Variants in HIP1 observed in about 807,000 individuals in gnomAD.
HIP1 encodes huntingtin-interacting protein 1.
A neutral mutation model predicts 147.6 loss-of-function variants in HIP1; 65 were observed. That is an observed-to-expected ratio of 0.44 (90% CI 0.36 to 0.54). The LOEUF (loss-of-function observed/expected upper bound fraction) is 0.54. Ranked by LOEUF, HIP1 falls within the 20% of genes least tolerant of loss-of-function variation. The pLI is 0.00. For synonymous variants in HIP1, 479 were observed against 504.0 expected, an observed-to-expected ratio of 0.95 and a Z score of 0.67; for missense variants, 1,061 against 1,299.6, an observed-to-expected ratio of 0.82 and a Z score of 2.82.
At chr7:75,560,953 AT>A (rs11438714) in intron 13 of HIP1, among the ~76,000 whole-genome samples, 8,315 of 139,980 alleles carry the variant, frequency 0.059, 257 homozygotes, top group Middle Eastern at 0.087. Flanking sequence ...AGGTGATGCA[AT>A]TTTTTTTTTT....
In HIP1 at chr7:75,534,086, T is replaced by C. The variant is rs1277741946; in HGVS notation, c.*4086A>G. 2 of 231,322 alleles carry C rather than the reference T, an allele frequency of 8.6e-6. No homozygotes were observed. Among genetic ancestry groups the C allele is most frequent in the Non-Finnish European group, 1.7e-5 (2 of 116,994 alleles). 14.3% of individuals were successfully genotyped at this position (231,322 alleles called of 1,614,324 possible). A position where few individuals can be genotyped will look rare whatever the true frequency, so the allele number is the denominator to read the frequency against. ...AGGAGACCCCTCTAGACTAAGGAGC[T>C]AAGAGGGAACTTCCAGCTGCAAGCT... On this transcript the variant is annotated 3_prime_UTR_variant, in exon 31 of 31. Transcript: ENST00000336926.
intron 22 of HIP1, among the ~76,000 whole-genome samples, chr7:75,549,372 CTTTTTT>C (rs60654435): frequency 2.5e-5 from 3 of 121,200 alleles, no homozygotes; most frequent in Non-Finnish European, 3.5e-5. Flanking sequence ...CTTTTCTTTT[CTTTTTT>C]TTTTTTTTTT....
intron 1 of HIP1, among the ~76,000 whole-genome samples, chr7:75,708,351 T>C (rs1371817827): frequency 6.6e-6 from 1 of 152,210 alleles, no homozygotes; most frequent in Non-Finnish European, 1.5e-5. Context: ...GTGTTAATTT[T>C]CATGAAGTCC....
chr7:75,719,645 T>C (rs1488780942), intron 1 of HIP1, among the ~76,000 whole-genome samples: 1 of 152,132 alleles, frequency 6.6e-6, no homozygotes, highest in Non-Finnish European at 1.5e-5. Context: ...GGTGTCGAAC[T>C]CCTGGGCTCA....
At chr7:75,663,984 G>GTATATA (rs782429323) in intron 1 of HIP1, among the ~76,000 whole-genome samples, 3 of 7,782 alleles carry the variant, frequency 3.9e-4, no homozygotes, top group Admixed American at 1.9e-3. Context: ...ACATATATGT[G>GTATATA]TATATATATA....
At chr7:75,611,554 G>T in intron 1 of HIP1, 1 of 366,842 alleles carries the variant, frequency 2.7e-6, no homozygotes, top group South Asian at 1.2e-4. Context: ...CCCGGCCCCA[G>T]GCTCTCTGAA....
At chr7:75,731,624 G>A (rs1048642947) in intron 1 of HIP1, among the ~76,000 whole-genome samples, 5 of 152,118 alleles carry the variant, frequency 3.3e-5, no homozygotes, top group African/African-American at 1.2e-4. Context: ...AGAAGCAGAA[G>A]GGGTGGGGCG....
At chr7:75,706,240 C>G (rs1800990776) in intron 1 of HIP1, among the ~76,000 whole-genome samples, 1 of 152,142 alleles carries the variant, frequency 6.6e-6, no homozygotes, top group Non-Finnish European at 1.5e-5. Context: ...TCTACAGTGG[C>G]TGCACCATCT....
At chr7:75,613,852 G>A (rs1219054748) in intron 1 of HIP1, among the ~76,000 whole-genome samples, 7 of 151,468 alleles carry the variant, frequency 4.6e-5, no homozygotes, top group African/African-American at 1.5e-4. Context: ...AGCCTCCCAG[G>A]CAGCTGAGAC....
chr7:75,736,335 A>T (rs1554523657), intron 1 of HIP1, among the ~76,000 whole-genome samples: 1 of 151,842 alleles, frequency 6.6e-6, no homozygotes, highest in Admixed American at 6.6e-5. Context: ...ATATTTCTCT[A>T]TTGCTCTAGT....
intron 2 of HIP1, among the ~76,000 whole-genome samples, chr7:75,597,146 G>A (rs1796777353): frequency 1.3e-5 from 2 of 152,178 alleles, no homozygotes; most frequent in African/African-American, 2.4e-5. Flanking sequence ...AGCTAGGCTC[G>A]CACAGGGCTG....
chr7:75,578,273 T>C (rs1795913849), intron 7 of HIP1, among the ~76,000 whole-genome samples: 1 of 152,130 alleles, frequency 6.6e-6, no homozygotes, highest in South Asian at 2.1e-4. Flanking sequence ...GTGAGAGCCA[T>C]GGGGAGAGAG....
chr7:75,622,895 A>ATC (rs1554507405), intron 1 of HIP1, among the ~76,000 whole-genome samples: 11 of 138,596 alleles, frequency 7.9e-5, no homozygotes, highest in Non-Finnish European at 1.1e-4. Flanking sequence ...CTATCTATCT[A>ATC]TATATTTTTT....
At chr7:75,725,992 TGTTTGTTTGTTC>T (rs1801639377) in intron 1 of HIP1, among the ~76,000 whole-genome samples, 1 of 151,966 alleles carries the variant, frequency 6.6e-6, no homozygotes, top group African/African-American at 2.4e-5. Context: ...AGTTTTTGTT[TGTTTGTTTGTTC>T]GTTTGTTTGT....
chr7:75,599,886 A>G (rs1394213160), intron 1 of HIP1, among the ~76,000 whole-genome samples: 1 of 141,798 alleles, frequency 7.1e-6, no homozygotes, highest in African/African-American at 2.7e-5. Flanking sequence ...CCCAGGCTGG[A>G]GTGCAGTGGC....
Position 75,539,395 on chromosome 7 carries a change from C to T in HIP1, c.2989G>A (p.Glu997Lys), listed in dbSNP as rs1794215548. 1.2e-6 allele frequency: 2 copies of T among 1,614,176 alleles called. No individual in the cohort carries two copies. Among genetic ancestry groups the T allele is most frequent in the Non-Finnish European group, 1.7e-6 (2 of 1,180,014 alleles). ...VLELENELQK[E>K]RQKLGELRKK... ...CGAAGCTCTCCCAGTTTTTGACGCT[C>T]CTTCTGCAATTCATTTTCTAGCTCT... The change falls in exon 30 of 31, where the codon GAG becomes AAG. Residue 997 changes from glutamate to lysine, a missense_variant. Physicochemically the swap from Glu to Lys is moderately conservative, Grantham distance 56. Coordinates refer to ENST00000336926, the MANE Select transcript of HIP1 (RefSeq NM_005338.7).
chr7:75,618,768 G>A (rs1797748943), intron 1 of HIP1, among the ~76,000 whole-genome samples: 2 of 152,142 alleles, frequency 1.3e-5, no homozygotes, highest in Admixed American at 1.3e-4. Context: ...ATTTCTAGAA[G>A]TGACCTTTCT....
At chr7:75,575,782 C>T (rs1172367904) in intron 7 of HIP1, among the ~76,000 whole-genome samples, 3 of 152,082 alleles carry the variant, frequency 2.0e-5, no homozygotes, top group Non-Finnish European at 2.9e-5. Flanking sequence ...AGACTCTGCA[C>T]GCGGCGGGCA....
intron 5 of HIP1, among the ~76,000 whole-genome samples, chr7:75,583,112 C>G (rs1796119347): frequency 6.6e-6 from 1 of 152,162 alleles, no homozygotes; most frequent in Non-Finnish European, 1.5e-5. Context: ...AGTCCACCCA[C>G]TACTCACGCT....
Sources: allele counts gnomAD v4.1 joint callset (sites outside exome capture counted in the v4.1 genomes callset), GRCh38; gene constraint gnomAD v4.1.1; transcripts MANE v1.5; gene names NCBI Gene and HGNC (gene_info 2026-07-23, HGNC 2026-07-21).